CDK6: variants seen among roughly 807,000 people sequenced by gnomAD.
CDK6 encodes cyclin dependent kinase 6, also known as cyclin-dependent kinase 6.
Under a neutral mutation model 37.1 loss-of-function variants are expected in CDK6, and 6 were observed. That is an observed-to-expected ratio of 0.16 (90% CI 0.09 to 0.32). CDK6 has a LOEUF of 0.32. CDK6 is among the 10% of genes least tolerant of loss of function. CDK6 has a pLI of 1.00. For missense variants in CDK6, 224 were observed against 418.9 expected, an observed-to-expected ratio of 0.53 and a Z score of 4.06; for synonymous variants, 160 against 161.3, an observed-to-expected ratio of 0.99 and a Z score of 0.06.
chr7:92,799,327 G>GC (rs1800506722), intron 2 of CDK6, among the ~76,000 whole-genome samples: 1 of 152,000 alleles, frequency 6.6e-6, no homozygotes, highest in Non-Finnish European at 1.5e-5. Flanking sequence ...CCTCTTGGAC[G>GC]CACCTCAGAT....
chr7:92,784,156 T>C (rs1384380392), intron 2 of CDK6, among the ~76,000 whole-genome samples: 1 of 151,956 alleles, frequency 6.6e-6, no homozygotes, highest in Non-Finnish European at 1.5e-5. Flanking sequence ...GGGAAGAGAA[T>C]GGTAGCAGGG....
rs1257020955 is a variant in CDK6 at position 92,607,736 on chromosome 7, C to A, written c.*7404G>T. ...AACAACTTGAAAAAAAATCCCCCGC[C>A]TGTCAGGTGCTGTTCCTGGGGGTAG... On this transcript the variant is annotated 3_prime_UTR_variant, in exon 8 of 8. Coordinates refer to ENST00000424848, the MANE Select transcript of CDK6 (RefSeq NM_001145306.2). 2 of 232,308 alleles carry A rather than the reference C, an allele frequency of 8.6e-6. No homozygotes were observed. The highest frequency in any genetic ancestry group is 1.2e-4 in the East Asian group (2 of 16,428). The allele number at this position is 232,308 out of a possible 1,614,324, so 14.4% of individuals were successfully genotyped here. A position where few individuals can be genotyped will look rare whatever the true frequency, so the allele number is the denominator to read the frequency against.
At chr7:92,793,099 A>T (rs1262268277) in intron 2 of CDK6, among the ~76,000 whole-genome samples, 1 of 152,134 alleles carries the variant, frequency 6.6e-6, no homozygotes, top group African/African-American at 2.4e-5. Flanking sequence ...TGCAAGAAAT[A>T]AAAGAGCTAA....
chr7:92,833,907 G>C lies in CDK6; in HGVS notation c.-367-217C>G. The C allele has an allele frequency of 2.5e-6, 1 of 398,914 alleles. No individual in the cohort carries two copies. The allele number at this position is 398,914 out of a possible 1,614,324, so 24.7% of individuals were successfully genotyped here. A position where few individuals can be genotyped will look rare whatever the true frequency, so the allele number is the denominator to read the frequency against. On this transcript the variant is annotated intron_variant, in intron 1 of 7. Transcript: ENST00000424848. The surrounding 1 kb of genome is among the most constrained non-coding windows in gnomAD (Gnocchi z 6.1). ...CCTGCAGGGCTGAAGCCGTCTTCGCGCGGAGAGGTTGCAGGGGCCCCTCGG... is the reference window on the plus strand; with the variant it reads ...CCTGCAGGGCTGAAGCCGTCTTCGCCCGGAGAGGTTGCAGGGGCCCCTCGG...
intron 2 of CDK6, among the ~76,000 whole-genome samples, chr7:92,785,868 G>GA: frequency 6.6e-6 from 1 of 152,196 alleles, no homozygotes; most frequent in East Asian, 1.9e-4. Context: ...ATGGTGGGCT[G>GA]AAAAAAAGAA....
intron 4 of CDK6, among the ~76,000 whole-genome samples, chr7:92,686,549 C>A (rs1797459275): frequency 6.6e-6 from 1 of 152,040 alleles, no homozygotes; most frequent in Admixed American, 6.6e-5. Context: ...GGCATCTGGG[C>A]TGGTTCCATA....
At chr7:92,688,476 A>T (rs1797516719) in intron 4 of CDK6, among the ~76,000 whole-genome samples, 1 of 152,030 alleles carries the variant, frequency 6.6e-6, no homozygotes, top group South Asian at 2.1e-4. Context: ...GTAAAATATT[A>T]GGCTTTTTTT....
At chr7:92,660,163 C>T (rs1281719764) in intron 5 of CDK6, among the ~76,000 whole-genome samples, 2 of 152,182 alleles carry the variant, frequency 1.3e-5, no homozygotes, top group African/African-American at 2.4e-5. Context: ...GAAACAACAC[C>T]GTGCTCTGCA....
At chr7:92,733,488 C>T (rs1003783215) in intron 3 of CDK6, among the ~76,000 whole-genome samples, 10 of 152,152 alleles carry the variant, frequency 6.6e-5, no homozygotes, top group African/African-American at 1.9e-4. Flanking sequence ...AAATGGAATG[C>T]GAATGCATAC....
rs371551172 is a variant in CDK6, at chr7:92,739,355, T to G, written c.370-13562A>C. Among the ~76,000 whole-genome samples the G allele has an allele frequency of 6.6e-5, 10 of 152,244 alleles. No homozygotes were observed. The East Asian group carries it at 7.7e-4, about 12-fold the overall frequency. On this transcript the variant is annotated intron_variant, in intron 3 of 7. Transcript: ENST00000424848. ...ACTTCTGCATGTGCAAATGTACACATGCTTCCTGCTATGTTTTTTAGAATA... is the reference window on the plus strand; with the variant it reads ...ACTTCTGCATGTGCAAATGTACACAGGCTTCCTGCTATGTTTTTTAGAATA...
chr7:92,717,376 G>A (rs1798252513), intron 4 of CDK6, among the ~76,000 whole-genome samples: 1 of 145,186 alleles, frequency 6.9e-6, no homozygotes, highest in African/African-American at 2.5e-5. Context: ...GAAAGGGGAA[G>A]GAGAAGGGGA....
At chr7:92,665,936 A>G (rs1796946296) in intron 5 of CDK6, among the ~76,000 whole-genome samples, 1 of 152,238 alleles carries the variant, frequency 6.6e-6, no homozygotes, top group Non-Finnish European at 1.5e-5. Flanking sequence ...GGTCTAGTTC[A>G]TTATCTGTAA....
intron 4 of CDK6, among the ~76,000 whole-genome samples, chr7:92,697,363 C>A (rs1013757349): frequency 3.9e-5 from 6 of 152,178 alleles, no homozygotes; most frequent in African/African-American, 1.4e-4. Context: ...GAAAAACAGT[C>A]GAAGTTTATC....
intron 5 of CDK6, among the ~76,000 whole-genome samples, chr7:92,666,853 T>C (rs1796967248): frequency 6.6e-6 from 1 of 152,242 alleles, no homozygotes; most frequent in African/African-American, 2.4e-5. Context: ...TACTATATTA[T>C]ACTTTTATCA....
chr7:92,789,611 T>C (rs1384194065), intron 2 of CDK6, among the ~76,000 whole-genome samples: 1 of 152,198 alleles, frequency 6.6e-6, no homozygotes, highest in Non-Finnish European at 1.5e-5. Context: ...ATGTTAATTG[T>C]AATCTCTGGG....
chr7:92,815,969 C>T lies in CDK6; in HGVS notation c.233+17122G>A, dbSNP rs141400586. ...AGAGTAATGTCTTAGTAGGGCTAAA[C>T]TAGCCTGGAAGCAAAGCCTACATAC... On this transcript the variant is annotated intron_variant, in intron 2 of 7. Transcript: ENST00000424848. Among the ~76,000 whole-genome samples the T allele has an allele frequency of 1.5e-3, 227 of 152,208 alleles. 1 individual carries two copies. Among genetic ancestry groups the T allele is most frequent in the Non-Finnish European group, 2.7e-3 (181 of 67,992 alleles).
chr7:92,683,912 C>T (rs1013388480), intron 4 of CDK6, among the ~76,000 whole-genome samples: 1 of 152,164 alleles, frequency 6.6e-6, no homozygotes, highest in African/African-American at 2.4e-5. Flanking sequence ...TATTTTCTGA[C>T]AATAAGAACT....
intron 5 of CDK6, among the ~76,000 whole-genome samples, chr7:92,649,347 TAA>T (rs1458792302): frequency 6.6e-6 from 1 of 152,164 alleles, no homozygotes; most frequent in Non-Finnish European, 1.5e-5. Context: ...AAAGCCTCAC[TAA>T]TTTGAAGTTA....
intron 5 of CDK6, among the ~76,000 whole-genome samples, chr7:92,654,417 A>C (rs575350619): frequency 1.3e-5 from 2 of 152,206 alleles, no homozygotes; most frequent in East Asian, 3.9e-4. Context: ...AAGAGGAGCA[A>C]TCTAACCAGA....
Sources: allele counts gnomAD v4.1 joint callset (sites outside exome capture counted in the v4.1 genomes callset), GRCh38; gene constraint gnomAD v4.1.1; non-coding constraint Gnocchi (gnomAD v3.1); transcripts MANE v1.5; gene names NCBI Gene and HGNC (gene_info 2026-07-23, HGNC 2026-07-21).